The following TRIM10 variants were observed in gnomAD, a reference collection of about 807,000 sequenced individuals.
The protein encoded by TRIM10 is tripartite motif containing 10, also known as tripartite motif-containing protein 10.
Under a neutral mutation model 40.0 loss-of-function variants are expected in TRIM10, and 42 were observed. The observed-to-expected ratio is 1.05, with a 90% CI of 0.82 to 1.36. The LOEUF is 1.36. Among genes scored for constraint, TRIM10 ranks in the 40% most tolerant of loss-of-function variants. The pLI is 0.00. For missense variants in TRIM10, 601 were observed against 608.3 expected (o/e 0.99, Z 0.13); for synonymous variants, 260 against 239.5 (o/e 1.09, Z -0.79).
Position 30,160,695 on chromosome 6 carries a change from G to C in TRIM10, c.164C>G (p.Pro55Arg). 1 of 1,614,226 alleles carries C rather than the reference G, an allele frequency of 6.2e-7. No individual in the cohort carries two copies. The highest frequency in any genetic ancestry group is 8.5e-7 in the Non-Finnish European group (1 of 1,180,040). Residue 55 changes from proline to arginine, a missense_variant, in exon 1 of 7, where the codon CCT becomes CGT. By Grantham distance (103) the Pro-to-Arg change is moderately radical. Coordinates refer to ENST00000449742, the MANE Select transcript of TRIM10 (RefSeq NM_006778.4). ...GGGTTCTTTGCAGAGTGGGCAAGTA[G>C]GGGACTCCTCCAGGTCTGGGCCTGG... ...EIPGPDLEESPTCPLCKEPFR... is the reference protein window; with the variant it reads ...EIPGPDLEESRTCPLCKEPFR...
chr6:30,158,423 C>T lies in TRIM10; in HGVS notation c.732G>A (p.Glu244=), dbSNP rs764068515. 1 of 1,613,062 alleles carries T rather than the reference C, an allele frequency of 6.2e-7. No homozygotes were observed. The highest frequency in any genetic ancestry group is 1.1e-5 in the South Asian group (1 of 91,082). The part of the protein sequence containing the change: ...ALIEELEEKN[E]RPARELLTDI... ...CCGTCAGGAGCTCCCTTGCTGGCCT[C>T]TCATTCTTCTCCTCCAGTTCTTCAA... Residue 244 remains glutamate, a synonymous_variant, in exon 3 of 7, where the codon GAG becomes GAA. Coordinates refer to ENST00000449742, the MANE Select transcript of TRIM10 (RefSeq NM_006778.4).
chr6:30,154,128 C>A lies in TRIM10; in HGVS notation c.1287G>T (p.Arg429=). ...PTRLTLKEQP[R]QVRVSLDYEV... The stretch of plus-strand genomic sequence containing the variant: ...CATAGTCAAGAGACACCCTCACCTG[C>A]CGGGGCTGCTCCTTCAGGGTCAGCC... The change falls in exon 7 of 7, where the codon CGG becomes CGT. Residue 429 remains arginine, a synonymous_variant. Coordinates refer to ENST00000449742, the MANE Select transcript of TRIM10 (RefSeq NM_006778.4). 1 of 1,612,960 alleles carries A rather than the reference C, an allele frequency of 6.2e-7. No individual in the cohort carries two copies. The highest frequency in any genetic ancestry group is 8.5e-7 in the Non-Finnish European group (1 of 1,179,938).
upstream of TRIM10, chr6:30,163,380 G>A (rs1424929584): frequency 1.2e-5 from 6 of 495,254 alleles, no homozygotes; most frequent in South Asian, 3.1e-5. Context: ...GGGACCAGAA[G>A]GAGCCAGGAG....
upstream of TRIM10, among the ~76,000 whole-genome samples, chr6:30,161,822 A>G (rs1282561499): frequency 6.6e-6 from 1 of 152,224 alleles, no homozygotes; most frequent in Admixed American, 6.5e-5. Context: ...AAAATTTCCT[A>G]GTGGCCATAT....
In TRIM10 at chr6:30,154,486, GC is replaced by G. The variant is rs1772341808; in HGVS notation, c.929-1del. On this transcript the variant is annotated splice_acceptor_variant, in intron 6 of 6. Transcript: ENST00000449742. LOFTEE classifies it high-confidence loss of function. ...AGTCTGAGGGTCTAGAGAAATGTGAGCTGTGGGGATAACCAAAAGGGACAGA... is the reference window on the plus strand; with the variant it reads ...AGTCTGAGGGTCTAGAGAAATGTGAGTGTGGGGATAACCAAAAGGGACAGA... The G allele has an allele frequency of 3.7e-6, 6 of 1,609,292 alleles. No individual in the cohort carries two copies. The highest frequency in any genetic ancestry group is 3.3e-5 in the Admixed American group (2 of 60,000).
chr6:30,163,927 T>G (rs765993537), upstream of TRIM10: 2 of 1,612,972 alleles, frequency 1.2e-6, no homozygotes, highest in Non-Finnish European at 1.7e-6. Context: ...TGGGAGAAAC[T>G]TACTGCGAGG....
At position 30,153,625 on chromosome 6, in the gene TRIM10, T is replaced by C. The variant is rs1182809521; in HGVS notation, c.*344A>G. 1.4e-6 allele frequency: 2 copies of C among 1,417,722 alleles called. No individual in the cohort carries two copies. The highest frequency in any genetic ancestry group is 2.8e-5 in the African/African-American group (2 of 71,078). 87.8% of individuals were successfully genotyped at this position (1,417,722 alleles called of 1,614,324 possible). ...AGGTGAGATGCCTTGTTTAAAGTCA[T>C]ACAACTGGTTGACAGGCTGGTTCAA... On this transcript the variant is annotated 3_prime_UTR_variant, in exon 7 of 7. Transcript: ENST00000449742.
At chr6:30,163,412 C>T (rs1171734868), upstream of TRIM10, 5 of 547,646 alleles carry the variant, frequency 9.1e-6, no homozygotes, top group South Asian at 2.6e-5. Context: ...CTTACTTGGC[C>T]GCCACTGGGA....
In TRIM10 at chr6:30,152,264, G is replaced by T. The variant is rs1199117966; in HGVS notation, c.*1705C>A. On this transcript the variant is annotated 3_prime_UTR_variant, in exon 7 of 7. Transcript: ENST00000449742. ...GGTGTGTAAAGCTCCCGAGCTGCAA[G>T]CCAGGATCTTCATACACATACATTT... is the stretch of plus-strand genomic sequence containing the variant. 4.6e-5 allele frequency: 7 copies of T among 152,122 alleles called. No individual in the cohort carries two copies. Among genetic ancestry groups the T allele is most frequent in the African/African-American group, 1.7e-4 (7 of 41,404 alleles). 9.4% of individuals were successfully genotyped at this position (152,122 alleles called of 1,614,324 possible). A position where few individuals can be genotyped will look rare whatever the true frequency, so the allele number is the denominator to read the frequency against.
chr6:30,151,980 G>T lies in TRIM10; in HGVS notation c.*1989C>A, dbSNP rs1173925767. ...TGAGCAGTTTTATTTCTCAGTGTAA[G>T]ACATATAAATTGTTCTCACTGACAT... On this transcript the variant is annotated 3_prime_UTR_variant, in exon 7 of 7. Transcript: ENST00000449742. 2 of 152,094 alleles carry T rather than the reference G, an allele frequency of 1.3e-5. No individual in the cohort carries two copies. The highest frequency in any genetic ancestry group is 4.8e-5 in the African/African-American group (2 of 41,408). 9.4% of individuals were successfully genotyped at this position (152,094 alleles called of 1,614,324 possible). A position where few individuals can be genotyped will look rare whatever the true frequency, so the allele number is the denominator to read the frequency against.
rs760118052 is a variant in TRIM10 at position 30,154,226 on chromosome 6, G to A, written c.1189C>T (p.Arg397Trp). Residue 397 changes from arginine to tryptophan, a missense_variant, in exon 7 of 7, where the codon CGG becomes TGG. Coordinates refer to ENST00000449742, the MANE Select transcript of TRIM10 (RefSeq NM_006778.4). ...ACAGCCCACACCCCCTCCTCTGGCC[G>A]CAGCCGAAGCTCCCCCTTCCGCTGC... ...DVQRKGELRLRPEEGVWAVRL... is the reference protein window; with the variant it reads ...DVQRKGELRLWPEEGVWAVRL... 1.2e-5 allele frequency: 20 copies of A among 1,612,576 alleles called. 1 individual carries two copies. Among genetic ancestry groups the A allele is most frequent in the Middle Eastern group, 1.6e-4 (1 of 6,080 alleles).
In TRIM10 at chr6:30,160,892, C is replaced by T; in HGVS notation, c.-34G>A. ...TGCTGCTATGGCTTCCTCAAGGCCA[C>T]TCTCTCTGCTTGGCCACGGGGGAAG... On this transcript the variant is annotated 5_prime_UTR_variant, in exon 1 of 7. In the 5' UTR this introduces an upstream ATG that the reference lacks. Transcript: ENST00000449742. 1 of 1,555,994 alleles carries T rather than the reference C, an allele frequency of 6.4e-7. No individual in the cohort carries two copies.
chr6:30,163,638 G>T (rs763133243), upstream of TRIM10: 1 of 1,548,804 alleles, frequency 6.5e-7, no homozygotes. Flanking sequence ...AAGGGAACTC[G>T]CGTGGGCTGA....
upstream of TRIM10, among the ~76,000 whole-genome samples, chr6:30,162,674 T>A (rs1349268968): frequency 6.6e-6 from 1 of 152,172 alleles, no homozygotes; most frequent in Non-Finnish European, 1.5e-5. Context: ...ACTGGGATCG[T>A]CCTTAACGTG....
At chr6:30,155,114 G>T (rs1772403830) in intron 6 of TRIM10, among the ~76,000 whole-genome samples, 1 of 152,150 alleles carries the variant, frequency 6.6e-6, no homozygotes, top group Non-Finnish European at 1.5e-5. Context: ...CATAAATTGA[G>T]AAGCTTCCAT....
Position 30,160,979 on chromosome 6 carries a change from T to C in TRIM10, c.-121A>G. 1 of 952,048 alleles carries C rather than the reference T, an allele frequency of 1.1e-6. No individual in the cohort carries two copies. Among genetic ancestry groups the C allele is most frequent in the Non-Finnish European group, 1.5e-6 (1 of 655,878 alleles). The allele number at this position is 952,048 out of a possible 1,614,324, so 59.0% of individuals were successfully genotyped here. ...TGGCTGGACACAGGCACATACTAAATATGCACCAGCACCCATATCGTCACA... is the reference window on the plus strand; with the variant it reads ...TGGCTGGACACAGGCACATACTAAACATGCACCAGCACCCATATCGTCACA... On this transcript the variant is annotated 5_prime_UTR_variant, in exon 1 of 7. The change creates a new upstream start codon in the 5' untranslated region. Transcript: ENST00000449742.
Position 30,155,726 on chromosome 6 carries a change from C to G in TRIM10, c.928+1G>C. 2 of 1,613,690 alleles carry G rather than the reference C, an allele frequency of 1.2e-6. No individual in the cohort carries two copies. Among genetic ancestry groups the G allele is most frequent in the Non-Finnish European group, 1.7e-6 (2 of 1,179,898 alleles). On this transcript the variant is annotated splice_donor_variant, in intron 6 of 6. Coordinates refer to ENST00000449742, the MANE Select transcript of TRIM10 (RefSeq NM_006778.4). LOFTEE classifies it high-confidence loss of function. ...CTCCCATCCTGACATAGGCTCCTTA[C>G]CTGGCTCATAGTCCAACTCAAAGCA...
chr6:30,156,502 A>T (rs1772541956), intron 5 of TRIM10, among the ~76,000 whole-genome samples: 1 of 151,766 alleles, frequency 6.6e-6, no homozygotes, highest in South Asian at 2.1e-4. Flanking sequence ...AACAGAAAGA[A>T]AGTGAGAAGG....
intron 2 of TRIM10, 24 bp downstream of exon 2, chr6:30,159,126 C>A: frequency 2.6e-6 from 4 of 1,527,776 alleles, no homozygotes; most frequent in Non-Finnish European, 3.6e-6. Flanking sequence ...AGGGGAGGAA[C>A]CTGGGGAAGG....
Sources: allele counts gnomAD v4.1 joint callset (sites outside exome capture counted in the v4.1 genomes callset), GRCh38; gene constraint gnomAD v4.1.1; transcripts MANE v1.5; gene names NCBI Gene and HGNC (gene_info 2026-07-23, HGNC 2026-07-21).